Variants in HMGCLL1 observed in about 807,000 individuals in gnomAD.
HMGCLL1 encodes 3-hydroxymethyl-3-methylglutaryl-CoA lyase, cytoplasmic.
Under a neutral mutation model 39.1 loss-of-function variants are expected in HMGCLL1, and 36 were observed. That is an observed-to-expected ratio of 0.92 (90% CI 0.71 to 1.22). The LOEUF (loss-of-function observed/expected upper bound fraction) is 1.22, where lower values mean the gene tolerates loss of function less well. Among genes scored for constraint, HMGCLL1 ranks in the 50% most tolerant of loss-of-function variants. The pLI is 0.00. For missense variants in HMGCLL1, 451 were observed against 416.5 expected (o/e 1.08, Z -0.72); for synonymous variants, 149 against 144.0 (o/e 1.03, Z -0.25).
At chr6:55,519,752 T>G (rs1767940093) in intron 3 of HMGCLL1, among the ~76,000 whole-genome samples, 1 of 152,110 alleles carries the variant, frequency 6.6e-6, no homozygotes, top group African/African-American at 2.4e-5. Context: ...TGTATTCTCA[T>G]GATAACAAAA....
At chr6:55,537,043 C>A (rs1044794358) in intron 3 of HMGCLL1, among the ~76,000 whole-genome samples, 2 of 152,090 alleles carry the variant, frequency 1.3e-5, no homozygotes, top group African/African-American at 4.8e-5. Flanking sequence ...AGCTGTTGTA[C>A]TAAAATTATC....
In HMGCLL1 at chr6:55,474,970, C is replaced by T. The variant is rs904055814; in HGVS notation, c.795+20449G>A. On this transcript the variant is annotated intron_variant, in intron 7 of 8. Transcript: ENST00000274901. ...TGCTGTTATTAGACTGGAGCCCTTT[C>T]GGTGTGGTGATAAGGTGTGAAAGAA... Among the ~76,000 whole-genome samples the T allele has an allele frequency of 2.6e-5, 4 of 151,458 alleles. No individual in the cohort carries two copies. In the East Asian group the frequency reaches 7.8e-4, roughly 29 times the overall value.
At chr6:55,581,439 T>C (rs1419565281), upstream of HMGCLL1, among the ~76,000 whole-genome samples, 1 of 152,116 alleles carries the variant, frequency 6.6e-6, no homozygotes, top group East Asian at 1.9e-4. Flanking sequence ...ATCTAATGAA[T>C]AAACAGGAGT....
intron 5 of HMGCLL1, among the ~76,000 whole-genome samples, chr6:55,507,199 A>G (rs1252446524): frequency 1.3e-5 from 2 of 151,926 alleles, no homozygotes; most frequent in South Asian, 2.1e-4. Flanking sequence ...TCAAACATAC[A>G]AAAATTACTG....
At chr6:55,589,077 C>A in the HMGCLL1 span, among the ~76,000 whole-genome samples, 1 of 152,158 alleles carries the variant, frequency 6.6e-6, no homozygotes, top group Non-Finnish European at 1.5e-5. Context: ...CATCCTGATA[C>A]CAAAGCCTGG....
At chr6:55,553,247 A>ATGTGTGTG (rs1770461613) in intron 1 of HMGCLL1, among the ~76,000 whole-genome samples, 4 of 50,054 alleles carry the variant, frequency 8.0e-5, no homozygotes, top group Admixed American at 2.4e-4. Context: ...TTACATATAT[A>ATGTGTGTG]CGTGTGTGTG....
intron 7 of HMGCLL1, among the ~76,000 whole-genome samples, chr6:55,490,865 G>A (rs1766273044): frequency 6.6e-6 from 1 of 151,232 alleles, no homozygotes. Flanking sequence ...ATGAACTAAA[G>A]CAAATAGAAG....
the HMGCLL1 span, among the ~76,000 whole-genome samples, chr6:55,627,250 A>G: frequency 6.6e-6 from 1 of 152,014 alleles, no homozygotes; most frequent in Admixed American, 6.6e-5. Context: ...ATACACTTGT[A>G]TTAAGAAAAT....
the HMGCLL1 span, among the ~76,000 whole-genome samples, chr6:55,586,096 G>A: frequency 6.6e-6 from 1 of 152,126 alleles, no homozygotes; most frequent in African/African-American, 2.4e-5. Flanking sequence ...TGCTAAACAA[G>A]GTAGTCAACA....
upstream of HMGCLL1, among the ~76,000 whole-genome samples, chr6:55,582,559 A>G (rs574508699): frequency 1.1e-3 from 161 of 152,204 alleles, no homozygotes; most frequent in Non-Finnish European, 1.8e-3. Context: ...CTCAACTCCT[A>G]CCCATTTTCT....
intron 7 of HMGCLL1, among the ~76,000 whole-genome samples, chr6:55,457,428 T>TC (rs952348645): frequency 1.3e-5 from 2 of 152,050 alleles, no homozygotes; most frequent in Non-Finnish European, 2.9e-5. Context: ...GGATTTTCCC[T>TC]CCCCCCACAT....
chr6:55,519,097 C>G (rs1411538050), intron 3 of HMGCLL1, among the ~76,000 whole-genome samples: 1 of 152,070 alleles, frequency 6.6e-6, no homozygotes, highest in East Asian at 1.9e-4. Context: ...TGTGATGTGT[C>G]TTTGAGTTAG....
At chr6:55,572,304 T>C (rs972906982) in intron 1 of HMGCLL1, among the ~76,000 whole-genome samples, 13 of 152,248 alleles carry the variant, frequency 8.5e-5, no homozygotes, top group African/African-American at 3.1e-4. Context: ...AATGAAAAGA[T>C]TTGATATACA....
At chr6:55,596,879 T>C in the HMGCLL1 span, among the ~76,000 whole-genome samples, 3 of 152,138 alleles carry the variant, frequency 2.0e-5, no homozygotes, top group Non-Finnish European at 2.9e-5. Context: ...TATGTAGACA[T>C]TGAAAATCAA....
At chr6:55,451,297 A>C (rs2127388884) in intron 7 of HMGCLL1, among the ~76,000 whole-genome samples, 1 of 152,292 alleles carries the variant, frequency 6.6e-6, no homozygotes, top group African/African-American at 2.4e-5. Context: ...TAGGCCCCAT[A>C]GTTCTTAACA....
At chr6:55,633,391 A>T in the HMGCLL1 span, among the ~76,000 whole-genome samples, 15 of 151,966 alleles carry the variant, frequency 9.9e-5, no homozygotes, top group African/African-American at 3.4e-4. Flanking sequence ...CCTCAGGAGA[A>T]ATAGGCAGAG....
intron 3 of HMGCLL1, among the ~76,000 whole-genome samples, chr6:55,530,906 G>A (rs780583978): frequency 9.2e-5 from 14 of 152,018 alleles, no homozygotes; most frequent in Non-Finnish European, 2.1e-4. Context: ...CAGCCAAAAC[G>A]TATGTCTTTA....
intron 7 of HMGCLL1, among the ~76,000 whole-genome samples, chr6:55,452,096 T>C (rs541533693): frequency 6.6e-6 from 1 of 152,290 alleles, no homozygotes; most frequent in Non-Finnish European, 1.5e-5. Context: ...TAGGCCTATA[T>C]ATTATAAAAA....
At chr6:55,543,188 A>AATATATT (rs1554155949) in intron 1 of HMGCLL1, among the ~76,000 whole-genome samples, 962 of 7,334 alleles carry the variant, frequency 0.13, 278 homozygotes, top group South Asian at 0.29. Context: ...TATAATATAT[A>AATATATT]ATATATTATA....
Sources: gnomAD v4.1 joint callset for allele counts (sites outside exome capture counted in the v4.1 genomes callset) on GRCh38, gnomAD v4.1.1 for gene constraint, MANE v1.5 for transcripts, NCBI Gene and HGNC (gene_info 2026-07-23, HGNC 2026-07-21) for gene names.